The following NEBL variants were observed in gnomAD, a reference collection of about 807,000 sequenced individuals.
The protein encoded by NEBL is LIM and SH3 protein 2.
A neutral mutation model predicts 140.2 loss-of-function variants in NEBL; 122 were observed. The observed-to-expected ratio is 0.87, with a 90% CI of 0.75 to 1.01. The LOEUF is 1.01. NEBL is among the 50% of genes least tolerant of loss of function. NEBL has a pLI of 0.00. For missense variants in NEBL, 1,365 were observed against 1,231.3 expected (o/e 1.11, Z -1.62); for synonymous variants, 436 against 398.9 (o/e 1.09, Z -1.11).
At chr10:21,199,937 T>A in intron 3 of NEBL, among the ~76,000 whole-genome samples, 1 of 144,810 alleles carries the variant, frequency 6.9e-6, no homozygotes, top group Non-Finnish European at 1.6e-5. Flanking sequence ...GGAGAGACTG[T>A]ACACTGTTGG....
At chr10:21,204,829 C>T (rs1321783223) in intron 3 of NEBL, among the ~76,000 whole-genome samples, 2 of 152,176 alleles carry the variant, frequency 1.3e-5, no homozygotes, top group East Asian at 3.9e-4. Context: ...TGCCAAGCAA[C>T]TGCAGGTGGG....
chr10:21,285,189 G>A (rs1358958856), intron 1 of NEBL, among the ~76,000 whole-genome samples: 1 of 152,178 alleles, frequency 6.6e-6, no homozygotes, highest in African/African-American at 2.4e-5. Flanking sequence ...ACAGAAGTGT[G>A]CCATTATCGA....
At chr10:21,052,883 G>A (rs1446829929) in intron 2 of NEBL, among the ~76,000 whole-genome samples, 1 of 152,072 alleles carries the variant, frequency 6.6e-6, no homozygotes, top group African/African-American at 2.4e-5. Flanking sequence ...AAAGACCTGG[G>A]GTCCACATAA....
At chr10:21,088,106 C>A (rs1395705502) in intron 2 of NEBL, among the ~76,000 whole-genome samples, 1 of 152,204 alleles carries the variant, frequency 6.6e-6, no homozygotes, top group Non-Finnish European at 1.5e-5. Context: ...CATCAGGAAT[C>A]ACCCCTGGGT....
chr10:21,002,398 G>A (rs1425895065), intron 3 of NEBL, among the ~76,000 whole-genome samples: 3 of 152,040 alleles, frequency 2.0e-5, no homozygotes, highest in Non-Finnish European at 2.9e-5. Flanking sequence ...GTTATCCTAC[G>A]CTGTAGAATG....
At chr10:20,922,755 A>G (rs1589017218) in intron 4 of NEBL, among the ~76,000 whole-genome samples, 2 of 152,054 alleles carry the variant, frequency 1.3e-5, no homozygotes, top group African/African-American at 4.8e-5. Context: ...CATTCTGAGC[A>G]CTCGAGCCAT....
intron 1 of NEBL, among the ~76,000 whole-genome samples, chr10:21,288,095 TG>T (rs1323399941): frequency 2.0e-5 from 3 of 152,346 alleles, no homozygotes; most frequent in African/African-American, 7.2e-5. Flanking sequence ...GCCAAGTACC[TG>T]GTACCTAGAA....
intron 3 of NEBL, among the ~76,000 whole-genome samples, chr10:20,978,015 A>G (rs560895577): frequency 6.6e-6 from 1 of 152,386 alleles, no homozygotes; most frequent in Admixed American, 6.5e-5. Flanking sequence ...AAAATGTGGT[A>G]TGAAACACAC....
rs548075523 is a variant in NEBL at position 20,935,807 on chromosome 10, T to C, written c.357+25865A>G. ...AAATAGCTCATTTGTGAAATAATAATCTAAGAAGAATTTTTTTCACCTTCA... is the reference window on the plus strand; with the variant it reads ...AAATAGCTCATTTGTGAAATAATAACCTAAGAAGAATTTTTTTCACCTTCA... On this transcript the variant is annotated intron_variant, in intron 4 of 6. Transcript: ENST00000417816. Among the ~76,000 whole-genome samples the C allele has an allele frequency of 3.9e-5, 6 of 152,244 alleles. No homozygotes were observed. The South Asian group carries it at 1.2e-3, about 32-fold the overall frequency.
intron 3 of NEBL, among the ~76,000 whole-genome samples, chr10:21,188,069 T>C (rs547431923): frequency 6.6e-6 from 1 of 152,320 alleles, no homozygotes; most frequent in East Asian, 1.9e-4. Context: ...CCAGTTATCA[T>C]GAAGGTTTCT....
In NEBL at chr10:20,782,944, GA is replaced by G. The variant is rs1228351897; in HGVS notation, c.*2802del. The stretch of plus-strand genomic sequence containing the variant: ...GGATCCCTATACAGCTTTGTTTTCA[GA>G]ACCTTTTAAAAGTGTATCAAACTGT... On this transcript the variant is annotated 3_prime_UTR_variant, in exon 28 of 28. Coordinates refer to ENST00000377122, the MANE Select transcript of NEBL (RefSeq NM_006393.3). 7.2e-5 allele frequency: 11 copies of G among 152,612 alleles called. No homozygotes were observed. The highest frequency in any genetic ancestry group is 7.2e-4 in the Admixed American group (11 of 15,268). 9.5% of individuals were successfully genotyped at this position (152,612 alleles called of 1,614,324 possible).
rs547202430 is a variant in NEBL at position 21,057,251 on chromosome 10, T to G, written c.165-37050A>C. Among the ~76,000 whole-genome samples, 4 of 152,146 alleles carry G rather than the reference T, an allele frequency of 2.6e-5. No homozygotes were observed. In the East Asian group the frequency reaches 7.8e-4, roughly 30 times the overall value. ...ATGACACCTGGTTGGGAGAACAGTC[T>G]CCCGGGAAGGGTTGCTCTTTGACTT... On this transcript the variant is annotated intron_variant, in intron 2 of 6. Transcript: ENST00000417816.
chr10:20,883,000 T>C lies in NEBL; in HGVS notation c.370-2096A>G, dbSNP rs1032256121. Among the ~76,000 whole-genome samples, 3 of 152,206 alleles carry C rather than the reference T, an allele frequency of 2.0e-5. No individual in the cohort carries two copies. The South Asian group carries it at 6.2e-4, about 31-fold the overall frequency. On this transcript the variant is annotated intron_variant, in intron 4 of 27. Transcript: ENST00000377122. ...TGTGGGAAGACACCCGTCACTGACT[T>C]CTGTTCCTCCAGACTCGCAGTATGG...
chr10:21,282,949 A>G (rs1392089933), intron 1 of NEBL, among the ~76,000 whole-genome samples: 1 of 152,088 alleles, frequency 6.6e-6, no homozygotes, highest in Admixed American at 6.6e-5. Context: ...ACATGGTGAA[A>G]CCCCTTCTCT....
At chr10:20,819,233 A>G in intron 20 of NEBL, 191 bp downstream of exon 20, 2 of 1,024,810 alleles carry the variant, frequency 2.0e-6, no homozygotes, top group Middle Eastern at 3.4e-4. Flanking sequence ...CTCCCGTCCA[A>G]CAGGCTCCGG....
chr10:21,198,021 T>A (rs1841678389), intron 3 of NEBL, among the ~76,000 whole-genome samples: 1 of 151,740 alleles, frequency 6.6e-6, no homozygotes, highest in African/African-American at 2.4e-5. Flanking sequence ...ATCATGAAAC[T>A]CTGTCTCTGC....
At chr10:20,942,619 C>T (rs956696096) in intron 4 of NEBL, among the ~76,000 whole-genome samples, 8 of 152,148 alleles carry the variant, frequency 5.3e-5, no homozygotes, top group Admixed American at 5.2e-4. Flanking sequence ...AGCTTCTGCA[C>T]AGCAAAAGAA....
At chr10:20,959,676 T>C (rs1333794186) in intron 4 of NEBL, among the ~76,000 whole-genome samples, 1 of 152,068 alleles carries the variant, frequency 6.6e-6, no homozygotes, top group Non-Finnish European at 1.5e-5. Context: ...TATTATGAAG[T>C]CTATATTTTT....
At chr10:20,924,939 G>C (rs1399511046) in intron 4 of NEBL, among the ~76,000 whole-genome samples, 1 of 151,900 alleles carries the variant, frequency 6.6e-6, no homozygotes, top group African/African-American at 2.4e-5. Flanking sequence ...TCCCTTCCCT[G>C]TCTCCTCTCC....
Sources: gnomAD v4.1 joint callset for allele counts (sites outside exome capture counted in the v4.1 genomes callset) on GRCh38, gnomAD v4.1.1 for gene constraint, MANE v1.5 for transcripts, NCBI Gene and HGNC (gene_info 2026-07-23, HGNC 2026-07-21) for gene names.